The following LPIN1 variants were observed in gnomAD, a reference collection of about 807,000 sequenced individuals.
The protein encoded by LPIN1 is phosphatidate phosphatase LPIN1.
LPIN1 carries 71 observed loss-of-function variants against 107.5 expected under a neutral mutation model. The ratio of observed to expected loss-of-function variants is 0.66; its 90% CI spans 0.55 to 0.80. The LOEUF is 0.80. Ranked by LOEUF, LPIN1 falls within the 30% of genes least tolerant of loss-of-function variation. LPIN1 has a pLI of 0.00. For missense variants in LPIN1, 1,043 were observed against 1,160.6 expected (o/e 0.90, Z 1.47); for synonymous variants, 445 against 452.6 (o/e 0.98, Z 0.21).
chr2:11,683,514 C>T (rs554437205), intron 1 of LPIN1, among the ~76,000 whole-genome samples: 7 of 152,126 alleles, frequency 4.6e-5, no homozygotes, highest in South Asian at 4.2e-4. Flanking sequence ...TGGAGTTGAA[C>T]GTGAGGGATG....
intron 17 of LPIN1, among the ~76,000 whole-genome samples, chr2:11,808,690 A>G (rs1000367974): frequency 1.3e-5 from 2 of 152,052 alleles, no homozygotes; most frequent in African/African-American, 4.8e-5. Flanking sequence ...CCTGGCCAAC[A>G]TGCTGAAACC....
chr2:11,779,685 T>G (rs780177797), intron 7 of LPIN1, 40 bp downstream of exon 7: 14 of 1,612,318 alleles, frequency 8.7e-6, no homozygotes, highest in Admixed American at 1.7e-5. Context: ...CGAAGATTTC[T>G]AACTCAGCTT....
At position 11,772,403 on chromosome 2, in the gene LPIN1, C is replaced by T. The variant is rs115031255; in HGVS notation, c.596+724C>T. On this transcript the variant is annotated intron_variant, in intron 4 of 20. Transcript: ENST00000674199. ...GTGATGCCAAACCTCCTTGGCTGAT[C>T]GCTTTAGCAGCCTGGAATGGAGTCA... 4.0e-3 allele frequency among the ~76,000 whole-genome samples: 605 copies of T among 152,288 alleles called. 1 individual carries two copies. Among genetic ancestry groups the T allele is most frequent in the Non-Finnish European group, 7.2e-3 (489 of 68,026 alleles).
chr2:11,755,722 TC>T, intron 1 of LPIN1, among the ~76,000 whole-genome samples: 1 of 150,032 alleles, frequency 6.7e-6, no homozygotes, highest in Admixed American at 6.6e-5. Flanking sequence ...GACACTTAGT[TC>T]TTTTTTTTTT....
intron 4 of LPIN1, among the ~76,000 whole-genome samples, chr2:11,772,291 C>T (rs1168784004): frequency 3.3e-5 from 5 of 152,108 alleles, no homozygotes; most frequent in Admixed American, 3.3e-4. Context: ...GGTTGGGGAC[C>T]CCTATTTTAG....
chr2:11,768,837 G>A (rs370519976), intron 3 of LPIN1, among the ~76,000 whole-genome samples: 5 of 152,162 alleles, frequency 3.3e-5, no homozygotes, highest in African/African-American at 1.2e-4. Flanking sequence ...TCCGGAGACT[G>A]AGGCAGGAGA....
chr2:11,682,806 G>A (rs1016372151), intron 1 of LPIN1: 12 of 152,182 alleles, frequency 7.9e-5, no homozygotes, highest in African/African-American at 2.7e-4. Context: ...CAGACCCTTC[G>A]CATGGGAACG....
Position 11,765,437 on chromosome 2 carries a change from A to AATCCACGTT in LPIN1, c.-9-95_-9-87dup. On this transcript the variant is annotated intron_variant, in intron 1 of 20. Transcript: ENST00000674199. This position sits in a 1 kb window ranked among gnomAD's most constrained non-coding sequence, Gnocchi z 4.4. ...GAGAGGAGCTGAAAGTTGAGTGTGT[A>AATCCACGTT]ATCCACGTTTTTGAAATGGTGAGGA... is the stretch of plus-strand genomic sequence containing the variant. The AATCCACGTT allele has an allele frequency of 1.7e-6, 2 of 1,156,074 alleles. No individual in the cohort carries two copies. Among genetic ancestry groups the AATCCACGTT allele is most frequent in the South Asian group, 2.9e-5 (2 of 70,018 alleles). 71.6% of individuals were successfully genotyped at this position (1,156,074 alleles called of 1,614,324 possible).
In LPIN1 at chr2:11,765,302, GTGATGGACCCTGATGGGCCA is replaced by G. The variant is rs1670651866; in HGVS notation, c.-9-222_-9-203del. ...GGACCCTGATGGGCTGTGATGGGCC[GTGATGGACCCTGATGGGCCA>G]TGATGGACACTGATGGGCCGTGATG... On this transcript the variant is annotated intron_variant, in intron 1 of 20. Coordinates refer to ENST00000674199, the MANE Select transcript of LPIN1 (RefSeq NM_001349206.2). The surrounding 1 kb of genome is among the most constrained non-coding windows in gnomAD (Gnocchi z 4.4). 6.6e-6 allele frequency among the ~76,000 whole-genome samples: 1 copy of G among 151,670 alleles called. No homozygotes were observed. Among genetic ancestry groups the G allele is most frequent in the African/African-American group, 2.4e-5 (1 of 41,228 alleles).
intron 1 of LPIN1, among the ~76,000 whole-genome samples, chr2:11,761,116 C>T (rs1048787265): frequency 1.3e-5 from 2 of 152,100 alleles, no homozygotes; most frequent in South Asian, 2.1e-4. Flanking sequence ...CATGAGATAA[C>T]GTATATGAAA....
At chr2:11,791,869 A>T in intron 12 of LPIN1, 45 bp from the exon 13 acceptor site, 1 of 1,605,672 alleles carries the variant, frequency 6.2e-7, no homozygotes, top group Non-Finnish European at 8.5e-7. Context: ...TGCTAAGTTG[A>T]TCTTTTTTTG....
chr2:11,795,840 C>A (rs981244137), intron 14 of LPIN1, among the ~76,000 whole-genome samples: 1 of 152,218 alleles, frequency 6.6e-6, no homozygotes, highest in Non-Finnish European at 1.5e-5. Flanking sequence ...GTAGCCCTAA[C>A]AATAACATGG....
At position 11,685,676 on chromosome 2, in the gene LPIN1, G is replaced by A. The variant is rs559807583; in HGVS notation, c.81+7948G>A. On this transcript the variant is annotated intron_variant, in intron 1 of 21. Coordinates refer to the LPIN1 transcript ENST00000449576. ...GGTTACCGAGTCCCCCCAGAGGGTA[G>A]CAGGTGTCTTTTCTAGGCATGCCTA... Among the ~76,000 whole-genome samples, 9 of 152,332 alleles carry A rather than the reference G, an allele frequency of 5.9e-5. No homozygotes were observed. In the South Asian group the frequency reaches 1.7e-3, roughly 28 times the overall value.
In LPIN1 at chr2:11,677,730, T is replaced by A; in HGVS notation, c.81+2T>A. ...TCCCCAGACTCGGCTTGGTCATGGG[T>A]AAGGGCCGGCCATGTGGCCATCTGC... On this transcript the variant is annotated splice_donor_variant, in intron 1 of 21. Coordinates refer to the LPIN1 transcript ENST00000449576. LOFTEE classifies it high-confidence loss of function. The A allele has an allele frequency of 6.5e-7, 1 of 1,535,430 alleles. No individual in the cohort carries two copies. The highest frequency in any genetic ancestry group is 8.7e-7 in the Non-Finnish European group (1 of 1,146,638).
chr2:11,705,932 G>A (rs777111538), intron 1 of LPIN1, among the ~76,000 whole-genome samples: 2 of 152,164 alleles, frequency 1.3e-5, no homozygotes, highest in Admixed American at 6.5e-5. Flanking sequence ...CCCAGTGGGA[G>A]GTAATTGAAT....
intron 1 of LPIN1, among the ~76,000 whole-genome samples, chr2:11,747,599 T>C (rs1667159705): frequency 6.6e-6 from 1 of 152,104 alleles, no homozygotes; most frequent in Non-Finnish European, 1.5e-5. Context: ...TTGGGGGTGT[T>C]GTGGTATGGT....
rs1664404426 is a variant in LPIN1, at chr2:11,724,541, T to G, written c.-72+2T>G. 1.0e-6 allele frequency: 1 copy of G among 985,520 alleles called. No individual in the cohort carries two copies. Among genetic ancestry groups the G allele is most frequent in the Admixed American group, 6.1e-5 (1 of 16,272 alleles). 61.0% of individuals were successfully genotyped at this position (985,520 alleles called of 1,614,324 possible). A position where few individuals can be genotyped will look rare whatever the true frequency, so the allele number is the denominator to read the frequency against. On this transcript the variant is annotated splice_donor_variant, in intron 1 of 21. Coordinates refer to the LPIN1 transcript ENST00000396097. LOFTEE classifies it low-confidence loss of function (5UTR_SPLICE). ...AGGAGAATCCACCAGGAGACCCAGGTTCGCATGAGCAGGGGCCTTTATCTG... is the reference window on the plus strand; with the variant it reads ...AGGAGAATCCACCAGGAGACCCAGGGTCGCATGAGCAGGGGCCTTTATCTG...
At position 11,748,187 on chromosome 2, in the gene LPIN1, G is replaced by A. The variant is rs563506743; in HGVS notation, c.-10+1516G>A. On this transcript the variant is annotated intron_variant, in intron 1 of 20. Transcript: ENST00000674199. ...GCCCTGGATTAGGTGGGGACAATTG[G>A]CCTGGCCCAGCCAGAAGGAAGTCTG... is the stretch of plus-strand genomic sequence containing the variant. Among the ~76,000 whole-genome samples, 25 of 152,330 alleles carry A rather than the reference G, an allele frequency of 1.6e-4. No homozygotes were observed. The South Asian group carries it at 5.2e-3, about 32-fold the overall frequency.
In LPIN1 at chr2:11,771,235, T is replaced by C; in HGVS notation, c.289-137T>C. ...TCTCCAGGTCACCATGGCTGTGGCC[T>C]CTAGCTGGGCCATCTGCTGTGGCCC... On this transcript the variant is annotated intron_variant, in intron 3 of 20. Coordinates refer to ENST00000674199, the MANE Select transcript of LPIN1 (RefSeq NM_001349206.2). The surrounding 1 kb of genome is among the most constrained non-coding windows in gnomAD (Gnocchi z 4.8). 1 of 784,592 alleles carries C rather than the reference T, an allele frequency of 1.3e-6. No homozygotes were observed. Among genetic ancestry groups the C allele is most frequent in the Non-Finnish European group, 2.2e-6 (1 of 464,926 alleles). 48.6% of individuals were successfully genotyped at this position (784,592 alleles called of 1,614,324 possible). A position where few individuals can be genotyped will look rare whatever the true frequency, so the allele number is the denominator to read the frequency against.
Sources: allele counts gnomAD v4.1 joint callset (sites outside exome capture counted in the v4.1 genomes callset), GRCh38; gene constraint gnomAD v4.1.1; non-coding constraint Gnocchi (gnomAD v3.1); transcripts MANE v1.5; gene names NCBI Gene and HGNC (gene_info 2026-07-23, HGNC 2026-07-21).